The following ABL2 variants were observed in gnomAD, a reference collection of about 807,000 sequenced individuals.
The protein encoded by ABL2 is tyrosine-protein kinase ABL2.
Under a neutral mutation model 107.7 loss-of-function variants are expected in ABL2, and 49 were observed. The ratio of observed to expected loss-of-function variants is 0.45; its 90% CI spans 0.36 to 0.58. ABL2 has a LOEUF of 0.58. Among genes scored for constraint, ABL2 ranks in the 20% least tolerant of loss-of-function variants. The pLI, the probability that ABL2 is intolerant of heterozygous loss-of-function variation, is 0.00. For synonymous variants in ABL2, 549 were observed against 548.6 expected, an observed-to-expected ratio of 1.00 and a Z score of -0.01; for missense variants, 1,245 against 1,457.0, an observed-to-expected ratio of 0.85 and a Z score of 2.37.
rs142977630 is a variant in ABL2, at chr1:179,124,615, C to T, written c.687+1762G>A. On this transcript the variant is annotated intron_variant, in intron 4 of 11. Coordinates refer to ENST00000502732, the MANE Select transcript of ABL2 (RefSeq NM_007314.4). ...TCCTGAGTAACTGGGATTACAGTCGCGTGCCACCATGCCAGGCCAATTTTT... is the reference window on the plus strand; with the variant it reads ...TCCTGAGTAACTGGGATTACAGTCGTGTGCCACCATGCCAGGCCAATTTTT... 1.5e-3 allele frequency among the ~76,000 whole-genome samples: 227 copies of T among 152,008 alleles called. 1 individual carries two copies. The highest frequency in any genetic ancestry group is 5.2e-3 in the African/African-American group (214 of 41,452).
chr1:179,176,494 T>C (rs965582159), intron 1 of ABL2, among the ~76,000 whole-genome samples: 8 of 152,088 alleles, frequency 5.3e-5, no homozygotes, highest in African/African-American at 1.9e-4. Context: ...ACAAAAAATG[T>C]TTAAAAAGTT....
At chr1:179,142,356 A>G (rs1256231930) in intron 1 of ABL2, among the ~76,000 whole-genome samples, 1 of 152,222 alleles carries the variant, frequency 6.6e-6, no homozygotes, top group African/African-American at 2.4e-5. Context: ...TGTACAAAGT[A>G]AATTATCATG....
chr1:179,228,585 T>C (rs1663363975), intron 1 of ABL2, among the ~76,000 whole-genome samples: 1 of 152,146 alleles, frequency 6.6e-6, no homozygotes, highest in Non-Finnish European at 1.5e-5. Flanking sequence ...AATCTCAGAA[T>C]TGTGTGTCCT....
At chr1:179,224,854 A>G (rs1354300159) in intron 1 of ABL2, among the ~76,000 whole-genome samples, 1 of 121,050 alleles carries the variant, frequency 8.3e-6, no homozygotes, top group South Asian at 2.5e-4. Flanking sequence ...CGTCTCTACA[A>G]AAAAAAAAAA....
intron 1 of ABL2, among the ~76,000 whole-genome samples, chr1:179,195,410 C>A (rs12136913): frequency 6.6e-6 from 1 of 152,120 alleles, no homozygotes; most frequent in Non-Finnish European, 1.5e-5. Flanking sequence ...GAAACTAGAA[C>A]CCTTGTGCAT....
In ABL2 at chr1:179,121,880, G is replaced by C. The variant is rs768928648; in HGVS notation, c.688-13C>G. 7.2e-6 allele frequency: 11 copies of C among 1,530,292 alleles called. No homozygotes were observed. The East Asian group carries it at 2.1e-4, about 29-fold the overall frequency. 94.8% of individuals were successfully genotyped at this position (1,530,292 alleles called of 1,614,324 possible). A position where few individuals can be genotyped will look rare whatever the true frequency, so the allele number is the denominator to read the frequency against. ...CAGTCACATACACCTGGTAAGAAAAGGAGAAAAGCTAAACAACTTGAAAAG... is the reference window on the plus strand; with the variant it reads ...CAGTCACATACACCTGGTAAGAAAACGAGAAAAGCTAAACAACTTGAAAAG... On this transcript the variant is annotated splice_polypyrimidine_tract_variant and intron_variant, in intron 4 of 11. Coordinates refer to ENST00000502732, the MANE Select transcript of ABL2 (RefSeq NM_007314.4).
intron 1 of ABL2, among the ~76,000 whole-genome samples, chr1:179,164,753 T>C (rs1334490345): frequency 1.3e-5 from 2 of 152,206 alleles, no homozygotes; most frequent in Non-Finnish European, 2.9e-5. Flanking sequence ...ATGCAACAAC[T>C]GCTTACTCAT....
At chr1:179,159,545 A>G (rs2102748673) in intron 1 of ABL2, among the ~76,000 whole-genome samples, 1 of 152,376 alleles carries the variant, frequency 6.6e-6, no homozygotes, top group South Asian at 2.1e-4. Context: ...AAAATATGGT[A>G]GCCTGTCACT....
chr1:179,172,987 C>T (rs373513186), intron 1 of ABL2, among the ~76,000 whole-genome samples: 12 of 152,148 alleles, frequency 7.9e-5, no homozygotes, highest in African/African-American at 2.4e-4. Flanking sequence ...GCCAGGAGTT[C>T]GAGACTAGCC....
chr1:179,209,098 A>C (rs981572105), intron 1 of ABL2, among the ~76,000 whole-genome samples: 2 of 152,222 alleles, frequency 1.3e-5, no homozygotes, highest in Non-Finnish European at 2.9e-5. Flanking sequence ...AAACAGCAGA[A>C]GCAAAGAGGT....
In ABL2 at chr1:179,121,610, A is replaced by C; in HGVS notation, c.945T>G (p.Ala315=). 6.2e-7 allele frequency: 1 copy of C among 1,612,886 alleles called. No individual in the cohort carries two copies. The highest frequency in any genetic ancestry group is 8.5e-7 in the Non-Finnish European group (1 of 1,178,954). Residue 315 remains alanine, a synonymous_variant, in exon 5 of 12, where the codon GCT becomes GCG. Transcript: ENST00000502732. The part of the protein sequence containing the change: ...GVWKKYSLTV[A]VKTLKEDTME... ...AGCAACCCACCTTCAATGTTTTCAC[A>C]GCAACTGTAAGGCTGTATTTCTTCC...
chr1:179,162,171 T>C (rs1659105463), intron 1 of ABL2, among the ~76,000 whole-genome samples: 1 of 152,196 alleles, frequency 6.6e-6, no homozygotes, highest in East Asian at 1.9e-4. Flanking sequence ...GTAGGCTAAA[T>C]AGATGTCACA....
intron 1 of ABL2, among the ~76,000 whole-genome samples, chr1:179,214,479 G>T (rs1332762130): frequency 3.5e-5 from 5 of 143,514 alleles, no homozygotes; most frequent in African/African-American, 1.3e-4. Flanking sequence ...ACAATGTGCA[G>T]GAGGAGACAA....
At position 179,104,711 on chromosome 1, in the gene ABL2, T is replaced by A. The variant is rs1653359760; in HGVS notation, c.*3007A>T. The A allele has an allele frequency of 4.7e-6, 1 of 212,986 alleles. No homozygotes were observed. 13.2% of individuals were successfully genotyped at this position (212,986 alleles called of 1,614,324 possible). On this transcript the variant is annotated 3_prime_UTR_variant, in exon 12 of 12. Transcript: ENST00000502732. The stretch of plus-strand genomic sequence containing the variant: ...CAACACAAATCACTGCATTTTAAAG[T>A]GGGAAATCTAAACTGAAGTAATATT...
Position 179,102,545 on chromosome 1 carries a change from A to T in ABL2, c.*5173T>A, listed in dbSNP as rs988516081. 7.5e-5 allele frequency: 17 copies of T among 227,502 alleles called. No individual in the cohort carries two copies. Among genetic ancestry groups the T allele is most frequent in the Non-Finnish European group, 1.4e-4 (16 of 114,544 alleles). The allele number at this position is 227,502 out of a possible 1,614,324, so 14.1% of individuals were successfully genotyped here. A position where few individuals can be genotyped will look rare whatever the true frequency, so the allele number is the denominator to read the frequency against. The stretch of plus-strand genomic sequence containing the variant: ...AAGCCAGAGACCCACCTACAAAAAG[A>T]GGATTGGTCATAGCAGATCCTTAGG... On this transcript the variant is annotated 3_prime_UTR_variant, in exon 12 of 12. Coordinates refer to ENST00000502732, the MANE Select transcript of ABL2 (RefSeq NM_007314.4).
At chr1:179,148,900 GAA>G (rs35904029) in intron 1 of ABL2, among the ~76,000 whole-genome samples, 14 of 107,408 alleles carry the variant, frequency 1.3e-4, no homozygotes, top group Admixed American at 4.1e-4. Context: ...ACTCCGTCTT[GAA>G]AAAAAAAAAA....
intron 1 of ABL2, among the ~76,000 whole-genome samples, chr1:179,210,967 G>A (rs1662239394): frequency 1.3e-5 from 2 of 151,952 alleles, no homozygotes; most frequent in South Asian, 4.2e-4. Flanking sequence ...GAATACTCAA[G>A]CTTGCAAGCT....
chr1:179,203,757 G>A (rs958019168), intron 1 of ABL2, among the ~76,000 whole-genome samples: 5 of 152,060 alleles, frequency 3.3e-5, no homozygotes, highest in Non-Finnish European at 5.9e-5. Context: ...GTCAAATTAC[G>A]TGCCAGTATC....
intron 1 of ABL2, among the ~76,000 whole-genome samples, chr1:179,151,036 T>C (rs1355382139): frequency 6.6e-6 from 1 of 152,188 alleles, no homozygotes; most frequent in African/African-American, 2.4e-5. Context: ...ATAGACATAA[T>C]GCTAATTACA....
Sources: allele counts gnomAD v4.1 joint callset (sites outside exome capture counted in the v4.1 genomes callset), GRCh38; gene constraint gnomAD v4.1.1; transcripts MANE v1.5; gene names NCBI Gene and HGNC (gene_info 2026-07-23, HGNC 2026-07-21).